GALNT13: variants seen among roughly 807,000 people sequenced by gnomAD.
The protein encoded by GALNT13 is UDP-GalNAc:polypeptide N-acetylgalactosaminyltransferase 13.
GALNT13 carries 28 observed loss-of-function variants against 64.2 expected under a neutral mutation model. The ratio of observed to expected loss-of-function variants is 0.44; its 90% confidence interval spans 0.32 to 0.60. The LOEUF is 0.60. GALNT13 is among the 20% of genes least tolerant of loss of function. GALNT13 has a pLI of 0.05. For missense variants in GALNT13, 577 were observed against 669.8 expected (o/e 0.86, Z 1.53); for synonymous variants, 214 against 224.6 (o/e 0.95, Z 0.42).
At chr2:154,008,700 T>C (rs1247360811) in intron 3 of GALNT13, among the ~76,000 whole-genome samples, 2 of 152,200 alleles carry the variant, frequency 1.3e-5, no homozygotes, top group Non-Finnish European at 2.9e-5. Context: ...TTTTCTCTTC[T>C]GTGTTAGTTT....
intron 8 of GALNT13, among the ~76,000 whole-genome samples, chr2:154,297,004 G>A (rs1049687434): frequency 2.0e-5 from 3 of 152,136 alleles, no homozygotes; most frequent in Admixed American, 6.5e-5. Context: ...GGAGATTTGA[G>A]AATTTGGTGT....
At chr2:153,114,199 C>A in the GALNT13 span, among the ~76,000 whole-genome samples, 2 of 152,178 alleles carry the variant, frequency 1.3e-5, no homozygotes, top group East Asian at 3.9e-4. Context: ...AGGATGTGCT[C>A]AAAATAGATT....
chr2:153,481,053 C>G, the GALNT13 span, among the ~76,000 whole-genome samples: 1 of 152,044 alleles, frequency 6.6e-6, no homozygotes, highest in South Asian at 2.1e-4. Flanking sequence ...TGGGTGGGAT[C>G]TTTTCTCTCA....
At chr2:153,364,033 A>G in the GALNT13 span, among the ~76,000 whole-genome samples, 1 of 152,148 alleles carries the variant, frequency 6.6e-6, no homozygotes, top group Admixed American at 6.6e-5. Flanking sequence ...CAAAAAATTT[A>G]CTCATGATAA....
intron 3 of GALNT13, among the ~76,000 whole-genome samples, chr2:154,069,857 T>C (rs1310000706): frequency 6.6e-6 from 1 of 152,112 alleles, no homozygotes; most frequent in African/African-American, 2.4e-5. Flanking sequence ...ATGTCTGTAG[T>C]AGCATTCATG....
intron 11 of GALNT13, among the ~76,000 whole-genome samples, chr2:154,416,353 G>T (rs963882085): frequency 1.6e-4 from 24 of 151,476 alleles, no homozygotes; most frequent in African/African-American, 5.8e-4. Context: ...AAAGAGAAGA[G>T]CTAGATCTCT....
At chr2:154,433,846 T>G (rs375897460) in intron 11 of GALNT13, among the ~76,000 whole-genome samples, 1 of 152,300 alleles carries the variant, frequency 6.6e-6, no homozygotes, top group East Asian at 1.9e-4. Flanking sequence ...GTTAGTGGTG[T>G]TGTGGCCTGA....
chr2:153,442,375 G>T, the GALNT13 span, among the ~76,000 whole-genome samples: 1 of 152,104 alleles, frequency 6.6e-6, no homozygotes, highest in East Asian at 1.9e-4. Flanking sequence ...TTTTTGCATC[G>T]ATGTACATCA....
chr2:154,417,534 G>A (rs189999175), intron 11 of GALNT13, among the ~76,000 whole-genome samples: 1,873 of 18,348 alleles, frequency 0.1, 54 homozygotes, highest in African/African-American at 0.21. Context: ...TTTTTGAGGC[G>A]GAGTCTTGCT....
the GALNT13 span, among the ~76,000 whole-genome samples, chr2:153,629,939 C>T: frequency 6.8e-6 from 1 of 147,850 alleles, no homozygotes; most frequent in Admixed American, 6.7e-5. Flanking sequence ...AAATCAAAAC[C>T]ACTATGAGAT....
chr2:154,101,377 C>G (rs1379093198), intron 3 of GALNT13, among the ~76,000 whole-genome samples: 1 of 151,836 alleles, frequency 6.6e-6, no homozygotes, highest in Non-Finnish European at 1.5e-5. Context: ...TTTATTCTAT[C>G]TAGGAAGGCG....
At chr2:154,221,953 A>G (rs962817170) in intron 4 of GALNT13, among the ~76,000 whole-genome samples, 5 of 152,150 alleles carry the variant, frequency 3.3e-5, no homozygotes, top group African/African-American at 1.2e-4. Flanking sequence ...ACATTTCTCC[A>G]AAATAGTTTT....
upstream of GALNT13, among the ~76,000 whole-genome samples, chr2:153,868,022 C>A (rs1009259948): frequency 3.3e-5 from 5 of 152,156 alleles, no homozygotes; most frequent in African/African-American, 9.7e-5. Context: ...TGGGTTAGGA[C>A]ATACCTCAGC....
the GALNT13 span, among the ~76,000 whole-genome samples, chr2:153,859,627 ACTTTT>A: frequency 3.3e-5 from 5 of 152,152 alleles, no homozygotes; most frequent in South Asian, 1.0e-3. Context: ...ACATTGTCCA[ACTTTT>A]CTTTAATATT....
intron 9 of GALNT13, among the ~76,000 whole-genome samples, chr2:154,331,691 T>A (rs1695176861): frequency 6.6e-6 from 1 of 152,140 alleles, no homozygotes; most frequent in Admixed American, 6.6e-5. Context: ...TATACTATTT[T>A]ATGTAGTTTT....
At chr2:154,363,268 A>G (rs924577325) in intron 9 of GALNT13, among the ~76,000 whole-genome samples, 4 of 152,186 alleles carry the variant, frequency 2.6e-5, no homozygotes, top group Non-Finnish European at 2.9e-5. Context: ...CTGCCTTCCC[A>G]GTATGGCTTA....
the GALNT13 span, among the ~76,000 whole-genome samples, chr2:153,387,368 A>G: frequency 6.6e-6 from 1 of 152,040 alleles, no homozygotes; most frequent in Non-Finnish European, 1.5e-5. Flanking sequence ...TACGTTTTCT[A>G]AAAATATCCA....
intron 3 of GALNT13, among the ~76,000 whole-genome samples, chr2:153,946,188 A>G (rs1421459359): frequency 6.6e-6 from 1 of 152,152 alleles, no homozygotes; most frequent in Non-Finnish European, 1.5e-5. Context: ...TCACTCTGTC[A>G]TTTGTTGAAG....
intron 11 of GALNT13, among the ~76,000 whole-genome samples, chr2:154,434,350 C>T (rs1010194071): frequency 2.0e-5 from 3 of 152,142 alleles, no homozygotes; most frequent in Non-Finnish European, 2.9e-5. Flanking sequence ...AATTCCGCCT[C>T]CCGGGCTCAC....
Sources: allele counts gnomAD v4.1 joint callset (sites outside exome capture counted in the v4.1 genomes callset), GRCh38; gene constraint gnomAD v4.1.1; transcripts MANE v1.5; gene names NCBI Gene and HGNC (gene_info 2026-07-23, HGNC 2026-07-21).